LZTFL1: variants seen among roughly 807,000 people sequenced by gnomAD.
LZTFL1 encodes the protein leucine zipper transcription factor like 1, also known as leucine zipper transcription factor-like protein 1.
In LZTFL1, 25 loss-of-function variants were observed where a neutral mutation model predicts 45.9. The ratio of observed to expected loss-of-function variants is 0.54; its 90% confidence interval spans 0.40 to 0.76. LZTFL1 has a LOEUF of 0.76. Ranked by LOEUF, LZTFL1 falls within the 30% of genes least tolerant of loss-of-function variation. LZTFL1 has a pLI of 0.00. For missense variants in LZTFL1, 277 were observed against 331.1 expected (o/e 0.84, Z 1.27); for synonymous variants, 93 against 117.4 (o/e 0.79, Z 1.35).
intron 1 of LZTFL1, 183 bp downstream of exon 1, chr3:45,841,806 A>C: frequency 1.4e-6 from 1 of 724,354 alleles, no homozygotes; most frequent in Non-Finnish European, 2.3e-6. Context: ...TTACCCCAGA[A>C]GGGCTTGGGC....
At position 45,885,163 on chromosome 3, in the gene LZTFL1, G is replaced by A. The variant is rs567706762; in HGVS notation, c.-214-26147C>T. On this transcript the variant is annotated intron_variant, in intron 2 of 4. Transcript: ENST00000472635. ...ACTGAGGGTGATGAAGGGGACATGCGCCTGGGAGTACCACGCCATGACAGA... is the reference window on the plus strand; with the variant it reads ...ACTGAGGGTGATGAAGGGGACATGCACCTGGGAGTACCACGCCATGACAGA... 4.6e-5 allele frequency among the ~76,000 whole-genome samples: 7 copies of A among 152,250 alleles called. No individual in the cohort carries two copies. In the South Asian group the frequency reaches 1.5e-3, roughly 32 times the overall value.
At position 45,824,450 on chromosome 3, in the gene LZTFL1, C is replaced by T. The variant is rs1238639889; in HGVS notation, c.*1864G>A. Reference sequence around the variant, plus strand: ...GTGAAAGAATCATCACGTTGATTTACGTCAAAGAACATCATATTTGTTTAT... The same window carrying T: ...GTGAAAGAATCATCACGTTGATTTATGTCAAAGAACATCATATTTGTTTAT... On this transcript the variant is annotated 3_prime_UTR_variant, in exon 10 of 10. Transcript: ENST00000296135. 2 of 173,964 alleles carry T rather than the reference C, an allele frequency of 1.1e-5. No homozygotes were observed. Among genetic ancestry groups the T allele is most frequent in the Non-Finnish European group, 2.4e-5 (2 of 82,912 alleles). The allele number at this position is 173,964 out of a possible 1,614,324, so 10.8% of individuals were successfully genotyped here.
intron 1 of LZTFL1, among the ~76,000 whole-genome samples, chr3:45,839,752 G>C (rs1432680503): frequency 6.6e-6 from 1 of 152,128 alleles, no homozygotes; most frequent in Non-Finnish European, 1.5e-5. Context: ...CCAATATAAT[G>C]TCACTGAATG....
intron 2 of LZTFL1, among the ~76,000 whole-genome samples, chr3:45,910,671 A>G (rs1331799355): frequency 1.3e-5 from 2 of 152,248 alleles, no homozygotes; most frequent in Non-Finnish European, 2.9e-5. Context: ...GTAATCCAAT[A>G]AAACAACAAA....
At chr3:45,869,960 A>G (rs1404812998) in intron 2 of LZTFL1, among the ~76,000 whole-genome samples, 3 of 152,376 alleles carry the variant, frequency 2.0e-5, no homozygotes, top group Admixed American at 6.5e-5. Context: ...TCGAGTTCCC[A>G]TGACATCTGC....
intron 1 of LZTFL1, chr3:45,913,207 A>G: frequency 6.9e-7 from 1 of 1,441,950 alleles, no homozygotes; most frequent in African/African-American, 1.4e-5. Context: ...CACAAATTAA[A>G]CAATGCTACT....
At chr3:45,908,426 A>G (rs2125771131) in intron 2 of LZTFL1, among the ~76,000 whole-genome samples, 1 of 152,366 alleles carries the variant, frequency 6.6e-6, no homozygotes, top group East Asian at 1.9e-4. Flanking sequence ...AACGGCAGAC[A>G]CAGGCGTGGT....
chr3:45,878,933 C>T (rs771614326), intron 2 of LZTFL1, among the ~76,000 whole-genome samples: 7 of 152,138 alleles, frequency 4.6e-5, no homozygotes, highest in Admixed American at 2.0e-4. Context: ...AAAATACATT[C>T]GACATCATAG....
At position 45,900,611 on chromosome 3, in the gene LZTFL1, TAC is replaced by T. The variant is rs759768507; in HGVS notation, c.-215+12507_-215+12508del. ...TTGGCACATAGCACAGTAGCCAACA[TAC>T]AGTATGTGCTTAATAAACATCTGTT... is the stretch of plus-strand genomic sequence containing the variant. On this transcript the variant is annotated intron_variant, in intron 2 of 4. Transcript: ENST00000472635. This position sits in a 1 kb window ranked among gnomAD's most constrained non-coding sequence, Gnocchi z 4.7. Among the ~76,000 whole-genome samples, 1 of 152,184 alleles carries T rather than the reference TAC, an allele frequency of 6.6e-6. No homozygotes were observed. The highest frequency in any genetic ancestry group is 2.4e-5 in the African/African-American group (1 of 41,446).
At chr3:45,872,040 C>T (rs1701678678) in intron 2 of LZTFL1, among the ~76,000 whole-genome samples, 1 of 152,158 alleles carries the variant, frequency 6.6e-6, no homozygotes, top group African/African-American at 2.4e-5. Flanking sequence ...GGAGAAGCAG[C>T]CAGGTGGCAG....
chr3:45,895,036 G>C, intron 2 of LZTFL1: 1 of 1,373,292 alleles, frequency 7.3e-7, no homozygotes, highest in Non-Finnish European at 1.0e-6. Flanking sequence ...GATCCACTGT[G>C]GGGGAAGGAT....
intron 2 of LZTFL1, among the ~76,000 whole-genome samples, chr3:45,863,501 A>C (rs2125710617): frequency 6.6e-6 from 1 of 152,282 alleles, no homozygotes; most frequent in African/African-American, 2.4e-5. Flanking sequence ...GATGGATCAG[A>C]CCACCATCAC....
Position 45,901,999 on chromosome 3 carries a change from C to A in LZTFL1, c.-215+11121G>T. ...AGAGAGAGTGAAAGAGAAAAGAAAACTCAGAAAGGGATGAATCTGAACTAT... is the reference window on the plus strand; with the variant it reads ...AGAGAGAGTGAAAGAGAAAAGAAAAATCAGAAAGGGATGAATCTGAACTAT... On this transcript the variant is annotated intron_variant, in intron 2 of 4. Transcript: ENST00000472635. The surrounding 1 kb of genome is among the most constrained non-coding windows in gnomAD (Gnocchi z 4.3). 1 of 1,004,568 alleles carries A rather than the reference C, an allele frequency of 1.0e-6. No individual in the cohort carries two copies. Among genetic ancestry groups the A allele is most frequent in the Non-Finnish European group, 1.5e-6 (1 of 686,912 alleles). The allele number at this position is 1,004,568 out of a possible 1,614,324, so 62.2% of individuals were successfully genotyped here.
rs757699376 is a variant in LZTFL1, at chr3:45,900,944, A to G, written c.-215+12176T>C. On this transcript the variant is annotated intron_variant, in intron 2 of 4. Coordinates refer to the LZTFL1 transcript ENST00000472635. The surrounding 1 kb of genome is among the most constrained non-coding windows in gnomAD (Gnocchi z 4.7). ...GGCAGTTTGCGAGCCATTTCCTCCC[A>G]CCCTTGTACTGGCTCGTGTTCATCG... The G allele has an allele frequency of 1.9e-6, 3 of 1,613,784 alleles. No individual in the cohort carries two copies. Among genetic ancestry groups the G allele is most frequent in the Non-Finnish European group, 2.5e-6 (3 of 1,179,958 alleles).
At chr3:45,827,501 T>A in intron 8 of LZTFL1, 42 bp from the exon 9 acceptor site, 1 of 1,215,638 alleles carries the variant, frequency 8.2e-7, no homozygotes, top group Non-Finnish European at 1.2e-6. Flanking sequence ...AAAAAATAGT[T>A]AAGGAAAGAG....
At chr3:45,897,699 C>T in intron 2 of LZTFL1, 1 of 1,164,500 alleles carries the variant, frequency 8.6e-7, no homozygotes, top group South Asian at 1.5e-5. Flanking sequence ...TCCCCAGGAA[C>T]CAAAGTCGTC....
rs1700732101 is a variant in LZTFL1, at chr3:45,828,625, A to C, written c.601-10T>G. 2 of 1,590,466 alleles carry C rather than the reference A, an allele frequency of 1.3e-6. No homozygotes were observed. Among genetic ancestry groups the C allele is most frequent in the African/African-American group, 1.4e-5 (1 of 73,718 alleles). On this transcript the variant is annotated splice_polypyrimidine_tract_variant and intron_variant, in intron 7 of 9. Coordinates refer to ENST00000296135, the MANE Select transcript of LZTFL1 (RefSeq NM_020347.4). Reference sequence around the variant, plus strand: ...GGGCCTTTATAAAATCCTATGAAAAATAAATGCATGCATGTAATTTCATGT... The same window carrying C: ...GGGCCTTTATAAAATCCTATGAAAACTAAATGCATGCATGTAATTTCATGT...
intron 2 of LZTFL1, chr3:45,894,959 G>C (rs201821394): frequency 6.2e-7 from 1 of 1,613,912 alleles, no homozygotes; most frequent in Non-Finnish European, 8.5e-7. Context: ...TTCACAGTGA[G>C]TACAGCCGTG....
chr3:45,879,299 A>G (rs1001806209), intron 2 of LZTFL1, among the ~76,000 whole-genome samples: 68 of 152,242 alleles, frequency 4.5e-4, no homozygotes, highest in African/African-American at 1.6e-3. Flanking sequence ...ACTGTGACAC[A>G]TCCAGACAAT....
Sources: gnomAD v4.1 joint callset for allele counts (sites outside exome capture counted in the v4.1 genomes callset) on GRCh38, gnomAD v4.1.1 for gene constraint, Gnocchi (gnomAD v3.1) non-coding constraint, MANE v1.5 for transcripts, NCBI Gene and HGNC (gene_info 2026-07-23, HGNC 2026-07-21) for gene names.